TYW1: variants seen among roughly 807,000 people sequenced by gnomAD.
The protein encoded by TYW1 is S-adenosyl-L-methionine-dependent tRNA 4-demethylwyosine synthase TYW1.
TYW1 carries 46 observed loss-of-function variants against 96.2 expected under a neutral mutation model. The observed-to-expected ratio is 0.48, with a 90% CI of 0.38 to 0.61. The LOEUF is 0.61. Ranked by LOEUF, TYW1 falls within the 20% of genes least tolerant of loss-of-function variation. TYW1 has a pLI of 0.00. For synonymous variants in TYW1, 274 were observed against 323.0 expected (o/e 0.85, Z 1.63); for missense variants, 684 against 909.6 (o/e 0.75, Z 3.19).
chr7:67,213,072 G>T, intron 15 of TYW1, among the ~76,000 whole-genome samples: 1 of 151,954 alleles, frequency 6.6e-6, no homozygotes, highest in South Asian at 2.1e-4. Flanking sequence ...AGGGCTTCAC[G>T]ATGTTAGCCA....
chr7:67,055,752 A>T (rs542409595), intron 8 of TYW1, 83 bp from the exon 9 acceptor site: 40 of 1,234,252 alleles, frequency 3.2e-5, no homozygotes, highest in South Asian at 6.7e-5. Flanking sequence ...AAAAAAAAAA[A>T]AATTTTTGCT....
intron 7 of TYW1, among the ~76,000 whole-genome samples, chr7:67,030,125 A>G (rs1161370823): frequency 6.6e-6 from 1 of 152,212 alleles, no homozygotes; most frequent in Non-Finnish European, 1.5e-5. Context: ...TTTTATTGGT[A>G]TCCCATCATG....
chr7:67,054,061 C>T (rs1795439815), intron 8 of TYW1, among the ~76,000 whole-genome samples: 1 of 152,208 alleles, frequency 6.6e-6, no homozygotes, highest in African/African-American at 2.4e-5. Flanking sequence ...TCTATGGGAT[C>T]ACCATCCTTT....
chr7:67,167,385 C>G (rs1235563035), intron 13 of TYW1, among the ~76,000 whole-genome samples: 1 of 143,318 alleles, frequency 7.0e-6, no homozygotes, highest in East Asian at 2.3e-4. Context: ...AGGAGAATCG[C>G]TTGAACTTGG....
chr7:67,058,187 G>A (rs1181174432), intron 9 of TYW1, among the ~76,000 whole-genome samples: 2 of 152,202 alleles, frequency 1.3e-5, no homozygotes, highest in South Asian at 2.1e-4. Flanking sequence ...ACCCGCCTTG[G>A]CCTCCCAAAG....
intron 15 of TYW1, among the ~76,000 whole-genome samples, chr7:67,220,847 T>C (rs1414243459): frequency 2.6e-5 from 4 of 151,666 alleles, no homozygotes; most frequent in African/African-American, 7.3e-5. Context: ...AAGCGATTCT[T>C]CTGCCTCAGC....
intron 13 of TYW1, 59 bp downstream of exon 13, chr7:67,117,677 A>G: frequency 7.1e-7 from 1 of 1,399,902 alleles, no homozygotes. Flanking sequence ...ACTGAAGTTA[A>G]GAAGAAAGAA....
intron 6 of TYW1, among the ~76,000 whole-genome samples, chr7:67,018,886 G>A (rs950642345): frequency 6.7e-6 from 1 of 150,302 alleles, no homozygotes. Flanking sequence ...AACCCGGGAG[G>A]TGGAGGTTCC....
At chr7:67,229,259 C>T (rs1387248604) in intron 15 of TYW1, among the ~76,000 whole-genome samples, 3 of 152,072 alleles carry the variant, frequency 2.0e-5, no homozygotes, top group African/African-American at 7.2e-5. Context: ...GAATATAGGC[C>T]GGGTGCGGTG....
intron 13 of TYW1, among the ~76,000 whole-genome samples, chr7:67,130,469 C>G (rs566727416): frequency 6.6e-6 from 1 of 151,310 alleles, no homozygotes; most frequent in Non-Finnish European, 1.5e-5. Context: ...TTCAGGAGGT[C>G]GAGACCATCC....
At chr7:67,122,233 C>T (rs1422321198) in intron 13 of TYW1, among the ~76,000 whole-genome samples, 2 of 152,092 alleles carry the variant, frequency 1.3e-5, no homozygotes, top group Admixed American at 6.6e-5. Context: ...TTGCATTGCA[C>T]GTTAACAATG....
intron 7 of TYW1, among the ~76,000 whole-genome samples, chr7:67,043,359 C>CTTTTTTTT (rs35321806): frequency 3.5e-5 from 5 of 143,018 alleles, no homozygotes; most frequent in Non-Finnish European, 3.0e-5. Context: ...CCCATTGCTA[C>CTTTTTTTT]TTTTTTTTTT....
chr7:67,111,877 G>C (rs780177037), intron 12 of TYW1, among the ~76,000 whole-genome samples: 10 of 152,030 alleles, frequency 6.6e-5, no homozygotes, highest in Non-Finnish European at 1.5e-4. Flanking sequence ...AGCCAGGTGG[G>C]TCACCTGCAG....
At chr7:67,072,908 C>T (rs1178598876) in intron 10 of TYW1, among the ~76,000 whole-genome samples, 1 of 144,494 alleles carries the variant, frequency 6.9e-6, no homozygotes, top group Non-Finnish European at 1.5e-5. Flanking sequence ...ACTCCAGCTA[C>T]AGGCTTGTGC....
intron 7 of TYW1, among the ~76,000 whole-genome samples, chr7:67,032,885 C>CT (rs778743156): frequency 0.034 from 2,561 of 76,132 alleles, 422 homozygotes; most frequent in Non-Finnish European, 0.041. Flanking sequence ...AGAAGTATAC[C>CT]TTTTTTTTTT....
At chr7:67,221,029 G>A (rs181444720) in intron 15 of TYW1, among the ~76,000 whole-genome samples, 6 of 152,254 alleles carry the variant, frequency 3.9e-5, no homozygotes, top group African/African-American at 1.4e-4. Context: ...GCCCGTCCAA[G>A]TGCTTTATTT....
intron 13 of TYW1, among the ~76,000 whole-genome samples, chr7:67,124,740 C>G (rs1381954138): frequency 1.3e-5 from 2 of 152,084 alleles, no homozygotes; most frequent in Non-Finnish European, 2.9e-5. Context: ...TCAGAGATTC[C>G]TCCATGATTT....
At chr7:66,997,505 C>G (rs1243811300) in intron 1 of TYW1, among the ~76,000 whole-genome samples, 1 of 152,224 alleles carries the variant, frequency 6.6e-6, no homozygotes, top group Non-Finnish European at 1.5e-5. Context: ...CCTTCTCTTG[C>G]TTCTAAATGC....
At chr7:67,018,924 C>G (rs1245028615) in intron 6 of TYW1, among the ~76,000 whole-genome samples, 1 of 149,050 alleles carries the variant, frequency 6.7e-6, no homozygotes, top group Non-Finnish European at 1.5e-5. Flanking sequence ...CGACTGCACT[C>G]CAGCCCGGGC....
Sources: gnomAD v4.1 joint callset for allele counts (sites outside exome capture counted in the v4.1 genomes callset) on GRCh38, gnomAD v4.1.1 for gene constraint, MANE v1.5 for transcripts, NCBI Gene and HGNC (gene_info 2026-07-23, HGNC 2026-07-21) for gene names.